CCDC90B: variants seen among roughly 807,000 people sequenced by gnomAD.
CCDC90B encodes coiled-coil domain containing 90B.
Under a neutral mutation model 37.0 loss-of-function variants are expected in CCDC90B, and 24 were observed. The ratio of observed to expected loss-of-function variants is 0.65; its 90% CI spans 0.47 to 0.91. The LOEUF is 0.91. Among genes scored for constraint, CCDC90B ranks in the 40% least tolerant of loss-of-function variants. CCDC90B has a pLI of 0.00. For synonymous variants in CCDC90B, 113 were observed against 101.1 expected, an observed-to-expected ratio of 1.12 and a Z score of -0.71; for missense variants, 319 against 299.0, an observed-to-expected ratio of 1.07 and a Z score of -0.49.
chr11:83,281,893 T>C (rs909366149), intron 1 of CCDC90B, among the ~76,000 whole-genome samples: 1 of 152,212 alleles, frequency 6.6e-6, no homozygotes, highest in Non-Finnish European at 1.5e-5. Flanking sequence ...GGGCTAAGTA[T>C]GGATGCTCCT....
rs1464477372 is a variant in CCDC90B at position 83,273,656 on chromosome 11, A to T, written c.585T>A (p.Phe195Leu). ...TTACATATTACTTTACCTTTTTTGTAAATTCTGTAGTTGTTTCCATAAGTT... is the reference window on the plus strand; with the variant it reads ...TTACATATTACTTTACCTTTTTTGTTAATTCTGTAGTTGTTTCCATAAGTT... ...EKQLMETTTEFTKKDTQTKSI... is the reference protein window; with the variant it reads ...EKQLMETTTELTKKDTQTKSI... Residue 195 changes from phenylalanine to leucine, a missense_variant, in exon 7 of 9, where the codon TTT becomes TTA. Phe to Leu is a conservative substitution (Grantham distance 22). Transcript: ENST00000529689. 1.9e-6 allele frequency: 3 copies of T among 1,595,920 alleles called. No homozygotes were observed. Among genetic ancestry groups the T allele is most frequent in the Admixed American group, 1.8e-5 (1 of 56,042 alleles).
In CCDC90B at chr11:83,274,649, GCT is replaced by G. The variant is rs1204554389; in HGVS notation, c.414_415del (p.Arg138SerfsTer4). On this transcript the variant is annotated frameshift_variant, in exon 4 of 9. Coordinates refer to ENST00000529689, the MANE Select transcript of CCDC90B (RefSeq NM_021825.5). LOFTEE classifies it high-confidence loss of function. ...TAAAATTTGTATCACCTCATTCTCT[GCT>G]CTCAGATTTGCAAATTCACTTTTCT... is the stretch of plus-strand genomic sequence containing the variant. The G allele has an allele frequency of 1.3e-6, 2 of 1,597,850 alleles. No individual in the cohort carries two copies. The highest frequency in any genetic ancestry group is 1.7e-5 in the Admixed American group (1 of 58,976).
At chr11:83,277,642 C>T (rs1041465333) in intron 3 of CCDC90B, among the ~76,000 whole-genome samples, 4 of 151,940 alleles carry the variant, frequency 2.6e-5, no homozygotes, top group African/African-American at 9.6e-5. Context: ...ACCACCATGC[C>T]CGGCTAATTT....
intron 8 of CCDC90B, among the ~76,000 whole-genome samples, chr11:83,264,964 G>T (rs981716842): frequency 8.6e-6 from 1 of 116,082 alleles, no homozygotes; most frequent in Non-Finnish European, 1.7e-5. Context: ...GTTGTGGGGT[G>T]GGGGGAGGGG....
chr11:83,274,504 A>G (rs632906), intron 4 of CCDC90B, 135 bp downstream of exon 4: 139,650 of 525,992 alleles, frequency 0.27, 19,321 homozygotes, highest in Middle Eastern at 0.35. Context: ...AACAAATAGT[A>G]TGTTTTTAAA....
In CCDC90B at chr11:83,286,334, A is replaced by G; in HGVS notation, c.-362T>C. Reference sequence around the variant, plus strand: ...TCCCCCAAGATAGCCAGCGGCCATTACGCGCTTGGGTCGGGGGAGATGGAG... The same window carrying G: ...TCCCCCAAGATAGCCAGCGGCCATTGCGCGCTTGGGTCGGGGGAGATGGAG... On this transcript the variant is annotated 5_prime_UTR_variant, in exon 1 of 9. Coordinates refer to ENST00000529689, the MANE Select transcript of CCDC90B (RefSeq NM_021825.5). 2.6e-6 allele frequency: 2 copies of G among 769,246 alleles called. No homozygotes were observed. The highest frequency in any genetic ancestry group is 2.7e-5 in the East Asian group (1 of 36,864). 47.7% of individuals were successfully genotyped at this position (769,246 alleles called of 1,614,324 possible).
chr11:83,278,741 G>A lies in CCDC90B; in HGVS notation c.309C>T (p.Val103=), dbSNP rs1419740530. 1 of 1,605,180 alleles carries A rather than the reference G, an allele frequency of 6.2e-7. No homozygotes were observed. The highest frequency in any genetic ancestry group is 1.1e-5 in the South Asian group (1 of 90,722). ...AGTGTATTACCTGTTGAGCTTGAGT[G>A]ACCATCTCTTTATAGATAGTATCCA... ...VSLDTIYKEM[V]TQAQQEITVQ... Residue 103 remains valine (V), a synonymous_variant, in exon 3 of 9, where the codon GTC becomes GTT. Coordinates refer to ENST00000529689, the MANE Select transcript of CCDC90B (RefSeq NM_021825.5).
chr11:83,282,454 CA>C (rs1267465204), intron 1 of CCDC90B, among the ~76,000 whole-genome samples: 3 of 152,084 alleles, frequency 2.0e-5, no homozygotes, highest in African/African-American at 7.3e-5. Context: ...CTGACTTAGT[CA>C]ACAAACACTC....
At chr11:83,270,526 C>A (rs919127088) in intron 7 of CCDC90B, among the ~76,000 whole-genome samples, 4 of 152,168 alleles carry the variant, frequency 2.6e-5, no homozygotes, top group Non-Finnish European at 5.9e-5. Context: ...AGAGTCAAAT[C>A]ATGAGTGAAC....
intron 7 of CCDC90B, among the ~76,000 whole-genome samples, chr11:83,272,252 A>C (rs1170683531): frequency 3.3e-5 from 5 of 152,320 alleles, no homozygotes; most frequent in African/African-American, 1.2e-4. Flanking sequence ...AGTATTAAAA[A>C]AAATTTTTTT....
At chr11:83,279,333 T>A (rs1865245182) in intron 2 of CCDC90B, among the ~76,000 whole-genome samples, 1 of 151,968 alleles carries the variant, frequency 6.6e-6, no homozygotes, top group South Asian at 2.1e-4. Flanking sequence ...ATTTTAATTC[T>A]CATTCTGTAT....
intron 1 of CCDC90B, among the ~76,000 whole-genome samples, chr11:83,284,290 T>A (rs184919914): frequency 1.3e-5 from 2 of 152,340 alleles, no homozygotes; most frequent in South Asian, 2.1e-4. Flanking sequence ...CAAGCTCCTC[T>A]TTGCTGGAAA....
At chr11:83,269,720 C>A (rs537973241) in intron 7 of CCDC90B, among the ~76,000 whole-genome samples, 205 of 152,246 alleles carry the variant, frequency 1.3e-3, no homozygotes, top group Non-Finnish European at 1.1e-3. Context: ...CCAAATTCTA[C>A]CAGAGGTACA....
chr11:83,285,438 G>A, intron 1 of CCDC90B: 3 of 1,122,186 alleles, frequency 2.7e-6, no homozygotes, highest in South Asian at 4.1e-5. Context: ...GACGTGGCCT[G>A]AAATTTATGA....
chr11:83,274,246 G>A, intron 4 of CCDC90B: 1 of 344,834 alleles, frequency 2.9e-6, no homozygotes, highest in Non-Finnish European at 5.1e-6. Flanking sequence ...AGCTATAGTG[G>A]ATAACATAAC....
Position 83,274,632 on chromosome 11 carries a change from G to A in CCDC90B, c.426+7C>T, listed in dbSNP as rs771131381. The stretch of plus-strand genomic sequence containing the variant: ...TTTTATAAGTAATAAATTAAAATTT[G>A]TATCACCTCATTCTCTGCTCTCAGA... On this transcript the variant is annotated splice_region_variant and intron_variant, in intron 4 of 8. Transcript: ENST00000529689. 2.6e-6 allele frequency: 4 copies of A among 1,546,870 alleles called. No individual in the cohort carries two copies. The East Asian group carries it at 9.1e-5, about 35-fold the overall frequency.
intron 3 of CCDC90B, among the ~76,000 whole-genome samples, chr11:83,278,337 T>G (rs1865168544): frequency 6.6e-6 from 1 of 152,228 alleles, no homozygotes; most frequent in Non-Finnish European, 1.5e-5. Context: ...TTTCCAGCTA[T>G]GTCTGTGAAA....
At position 83,273,641 on chromosome 11, in the gene CCDC90B, C is replaced by G; in HGVS notation, c.594+6G>C. 6.3e-7 allele frequency: 1 copy of G among 1,580,956 alleles called. No individual in the cohort carries two copies. The highest frequency in any genetic ancestry group is 1.4e-5 in the African/African-American group (1 of 73,484). On this transcript the variant is annotated splice_donor_region_variant and intron_variant, in intron 7 of 8. Transcript: ENST00000529689. ...ACAAAAGAGACATTTTTACATATTA[C>G]TTTACCTTTTTTGTAAATTCTGTAG...
intron 8 of CCDC90B, among the ~76,000 whole-genome samples, chr11:83,265,415 AT>A (rs534912727): frequency 6.0e-5 from 9 of 150,946 alleles, no homozygotes; most frequent in Non-Finnish European, 1.0e-4. Flanking sequence ...GAAAATTTTC[AT>A]TTTTTTTTCC....
Sources: gnomAD v4.1 joint callset for allele counts (sites outside exome capture counted in the v4.1 genomes callset) on GRCh38, gnomAD v4.1.1 for gene constraint, MANE v1.5 for transcripts, NCBI Gene and HGNC (gene_info 2026-07-23, HGNC 2026-07-21) for gene names.